DGKG: variants seen among roughly 807,000 people sequenced by gnomAD.
The protein encoded by DGKG is DAG kinase gamma.
In DGKG, 78 loss-of-function variants were observed where a neutral mutation model predicts 105.3. The observed-to-expected ratio is 0.74, with a 90% CI of 0.62 to 0.89. The LOEUF (loss-of-function observed/expected upper bound fraction) is 0.89. Among genes scored for constraint, DGKG ranks in the 40% least tolerant of loss-of-function variants. DGKG has a pLI of 0.00. For missense variants in DGKG, 958 were observed against 1,020.1 expected, an observed-to-expected ratio of 0.94 and a Z score of 0.83; for synonymous variants, 346 against 367.1, an observed-to-expected ratio of 0.94 and a Z score of 0.66.
At chr3:186,246,920 G>C (rs746749931) in intron 19 of DGKG, among the ~76,000 whole-genome samples, 1 of 152,170 alleles carries the variant, frequency 6.6e-6, no homozygotes, top group African/African-American at 2.4e-5. Context: ...CTGTTCACCC[G>C]TCCTGTTAAG....
Position 186,327,413 on chromosome 3 carries a change from G to A in DGKG, c.-248-6706C>T, listed in dbSNP as rs150106760. Among the ~76,000 whole-genome samples, 524 of 141,722 alleles carry A rather than the reference G, an allele frequency of 3.7e-3. 5 individuals carry two copies. Among genetic ancestry groups the A allele is most frequent in the African/African-American group, 0.012 (459 of 37,344 alleles). The allele number at this position is 141,722 out of a possible 152,430, so 93.0% of individuals were successfully genotyped here. On this transcript the variant is annotated intron_variant, in intron 1 of 24. Transcript: ENST00000265022. ...TTCTTTTTTTTTTTTTTGAGGCGTG[G>A]TTTCTCTCTGTCACCCATGCTGGAG...
At chr3:186,152,960 C>A (rs75963253) in intron 24 of DGKG, among the ~76,000 whole-genome samples, 3 of 95,794 alleles carry the variant, frequency 3.1e-5, no homozygotes, top group African/African-American at 7.2e-5. Context: ...CCGCGCCCGG[C>A]CTTTTTTTTT....
intron 1 of DGKG, among the ~76,000 whole-genome samples, chr3:186,334,527 G>A (rs1399099044): frequency 1.3e-5 from 2 of 152,206 alleles, no homozygotes; most frequent in Non-Finnish European, 2.9e-5. Flanking sequence ...TACACCTCAT[G>A]CCTAGCCCAG....
chr3:186,208,332 G>A (rs1030699105), intron 21 of DGKG, among the ~76,000 whole-genome samples: 3 of 151,754 alleles, frequency 2.0e-5, no homozygotes, highest in African/African-American at 7.3e-5. Flanking sequence ...GTGAGCCACC[G>A]CGCCTCGCCA....
At chr3:186,179,181 T>C (rs1358201465) in intron 22 of DGKG, among the ~76,000 whole-genome samples, 1 of 152,172 alleles carries the variant, frequency 6.6e-6, no homozygotes, top group Non-Finnish European at 1.5e-5. Context: ...AACCATGGTT[T>C]GAGGATCAAA....
Position 186,165,032 on chromosome 3 carries a change from C to T in DGKG, c.2096-14G>A, listed in dbSNP as rs373864320. 7 of 1,608,978 alleles carry T rather than the reference C, an allele frequency of 4.4e-6. No individual in the cohort carries two copies. In the South Asian group the frequency reaches 4.4e-5, roughly 10 times the overall value. Reference sequence around the variant, plus strand: ...GGTCACTGAGGTCTGCAGAGCGAGACAGCAAAAGTAGTGCATACACATCTC... The same window carrying T: ...GGTCACTGAGGTCTGCAGAGCGAGATAGCAAAAGTAGTGCATACACATCTC... On this transcript the variant is annotated splice_polypyrimidine_tract_variant and intron_variant, in intron 22 of 24. Coordinates refer to ENST00000265022, the MANE Select transcript of DGKG (RefSeq NM_001346.3).
chr3:186,302,032 A>G (rs1303242485), intron 3 of DGKG, among the ~76,000 whole-genome samples: 9 of 152,194 alleles, frequency 5.9e-5, no homozygotes, highest in Admixed American at 1.3e-4. Flanking sequence ...TTCAAGTTCC[A>G]GTCATGCTTT....
At chr3:186,295,637 G>GAAAA (rs1404870416) in intron 5 of DGKG, among the ~76,000 whole-genome samples, 1 of 23,290 alleles carries the variant, frequency 4.3e-5, no homozygotes, top group African/African-American at 1.6e-4. Context: ...ATAATGCACA[G>GAAAA]TAAAAAAAAA....
chr3:186,279,940 C>T lies in DGKG; in HGVS notation c.703G>A (p.Asp235Asn), dbSNP rs201046590. Reference sequence around the variant, plus strand: ...TGTAGAGACACAAAGCCGTCCCGGTCGTAGTCCATCCCTTGCAGCATCTCC... The same window carrying T: ...TGTAGAGACACAAAGCCGTCCCGGTTGTAGTCCATCCCTTGCAGCATCTCC... Reference protein sequence around the residue: ...LKEMLQGMDYDRDGFVSLQEW... With the variant: ...LKEMLQGMDYNRDGFVSLQEW... The change falls in exon 9 of 25, where the codon GAC (aspartate) becomes AAC (asparagine). Residue 235 changes from aspartate (D) to asparagine (N), a missense_variant. Asp to Asn is a conservative substitution (Grantham distance 23). Coordinates refer to ENST00000265022, the MANE Select transcript of DGKG (RefSeq NM_001346.3). 10 of 1,614,112 alleles carry T rather than the reference C, an allele frequency of 6.2e-6. No individual in the cohort carries two copies. The highest frequency in any genetic ancestry group is 1.1e-5 in the South Asian group (1 of 91,058).
chr3:186,358,097 C>T (rs1158934159), intron 1 of DGKG, among the ~76,000 whole-genome samples: 1 of 152,230 alleles, frequency 6.6e-6, no homozygotes, highest in African/African-American at 2.4e-5. Context: ...GCACGTAAAG[C>T]ATCCAGTACA....
intron 13 of DGKG, among the ~76,000 whole-genome samples, chr3:186,266,366 C>T (rs1344697368): frequency 1.3e-5 from 2 of 152,154 alleles, no homozygotes; most frequent in Non-Finnish European, 2.9e-5. Flanking sequence ...TGCCGATATG[C>T]CTCAATTTAT....
chr3:186,331,979 A>G (rs1229340111), intron 1 of DGKG, among the ~76,000 whole-genome samples: 1 of 149,098 alleles, frequency 6.7e-6, no homozygotes, highest in East Asian at 2.0e-4. Context: ...CTACTAGTAA[A>G]TGATGAGACT....
chr3:186,317,796 C>G (rs138619862), intron 2 of DGKG, among the ~76,000 whole-genome samples: 1 of 152,188 alleles, frequency 6.6e-6, no homozygotes, highest in East Asian at 1.9e-4. Flanking sequence ...TTGTCTTCCC[C>G]TGTGAGGCAG....
At chr3:186,293,031 A>G (rs1723383016) in intron 5 of DGKG, among the ~76,000 whole-genome samples, 1 of 152,054 alleles carries the variant, frequency 6.6e-6, no homozygotes. Context: ...GGTTTTTCAC[A>G]CACCCTGCTT....
At position 186,228,578 on chromosome 3, in the gene DGKG, C is replaced by A. The variant is rs979113533; in HGVS notation, c.1826+13926G>T. ...GCGAGATCTGCTGCAACTGCTCCCCCCGCCTTTTCACTCCACCCGGGAACC... is the reference window on the plus strand; with the variant it reads ...GCGAGATCTGCTGCAACTGCTCCCCACGCCTTTTCACTCCACCCGGGAACC... On this transcript the variant is annotated intron_variant, in intron 20 of 24. Transcript: ENST00000265022. Among the ~76,000 whole-genome samples the A allele has an allele frequency of 4.6e-5, 7 of 152,310 alleles. No homozygotes were observed. The South Asian group carries it at 1.2e-3, about 27-fold the overall frequency.
chr3:186,239,899 C>CT lies in DGKG; in HGVS notation c.1826+2604dup, dbSNP rs796306145. 4.6e-3 allele frequency among the ~76,000 whole-genome samples: 627 copies of CT among 136,408 alleles called. 1 individual carries two copies. The highest frequency in any genetic ancestry group is 0.021 in the South Asian group (91 of 4,266). 89.5% of individuals were successfully genotyped at this position (136,408 alleles called of 152,430 possible). ...TTTGCATTAAAATGCACGCTACAAT[C>CT]TTTTTTTTTTTTTTTTTCTGACGGA... On this transcript the variant is annotated intron_variant, in intron 20 of 24. Coordinates refer to ENST00000265022, the MANE Select transcript of DGKG (RefSeq NM_001346.3).
At chr3:186,260,636 A>C in intron 15 of DGKG, 123 bp from the exon 16 acceptor site, 1 of 752,602 alleles carries the variant, frequency 1.3e-6, no homozygotes, top group Admixed American at 2.4e-5. Flanking sequence ...GGTTCATTTA[A>C]ACCCCGGAGG....
At chr3:186,304,104 C>G (rs1010287953) in intron 3 of DGKG, among the ~76,000 whole-genome samples, 1 of 152,198 alleles carries the variant, frequency 6.6e-6, no homozygotes, top group African/African-American at 2.4e-5. Flanking sequence ...AGCAGCCAAG[C>G]GACTCCCTGC....
intron 21 of DGKG, among the ~76,000 whole-genome samples, chr3:186,192,065 TA>T (rs1717934445): frequency 6.6e-6 from 1 of 152,204 alleles, no homozygotes; most frequent in Non-Finnish European, 1.5e-5. Flanking sequence ...TGGAGTGCGG[TA>T]GTGTGATCTT....
Sources: gnomAD v4.1 joint callset for allele counts (sites outside exome capture counted in the v4.1 genomes callset) on GRCh38, gnomAD v4.1.1 for gene constraint, MANE v1.5 for transcripts, NCBI Gene and HGNC (gene_info 2026-07-23, HGNC 2026-07-21) for gene names.